LAMA5: variants seen among roughly 807,000 people sequenced by gnomAD.
LAMA5 encodes laminin subunit alpha 5.
In LAMA5, 260 loss-of-function variants were observed where a neutral mutation model predicts 433.4. The ratio of observed to expected loss-of-function variants is 0.60; its 90% CI spans 0.54 to 0.66. The LOEUF is 0.66. Among genes scored for constraint, LAMA5 ranks in the 30% least tolerant of loss-of-function variants. LAMA5 has a pLI of 0.00. For synonymous variants in LAMA5, 2,620 were observed against 2,226.6 expected (o/e 1.18, Z -4.97); for missense variants, 5,378 against 5,258.5 (o/e 1.02, Z -0.70).
rs772271793 is a variant in LAMA5, at chr20:62,309,979, G to T, written c.10828+9C>A. 1.2e-6 allele frequency: 2 copies of T among 1,609,522 alleles called. No individual in the cohort carries two copies. The highest frequency in any genetic ancestry group is 1.7e-6 in the Non-Finnish European group (2 of 1,179,198). ...TGGCAGAGTGCCCTGGCCACAGGAG[G>T]GGCCTCACCCGCTAGCCGGTGCCAC... On this transcript the variant is annotated intron_variant, in intron 78 of 79. Transcript: ENST00000252999.
At chr20:62,357,201 C>T (rs1393403593) in intron 2 of LAMA5, among the ~76,000 whole-genome samples, 11 of 152,190 alleles carry the variant, frequency 7.2e-5, no homozygotes, top group Non-Finnish European at 1.0e-4. Flanking sequence ...GGTCCAGGTG[C>T]CCGCTGTGCT....
At position 62,315,090 on chromosome 20, in the gene LAMA5, C is replaced by A; in HGVS notation, c.7985G>T (p.Gly2662Val). ...AMQENVERWQ[G>V]QYEGLRGQDL... Reference sequence around the variant, plus strand: ...CTGGCCCCGCAGGCCCTCGTACTGGCCCTGCCACCGCTCCACATTCTCCTG... The same window carrying A: ...CTGGCCCCGCAGGCCCTCGTACTGGACCTGCCACCGCTCCACATTCTCCTG... Residue 2662 changes from glycine (G) to valine (V), a missense_variant, in exon 59 of 80, where the codon GGC becomes GTC. By Grantham distance (109) the Gly-to-Val change is moderately radical. Coordinates refer to ENST00000252999, the MANE Select transcript of LAMA5 (RefSeq NM_005560.6). 3 of 1,604,892 alleles carry A rather than the reference C, an allele frequency of 1.9e-6. No individual in the cohort carries two copies. Among genetic ancestry groups the A allele is most frequent in the Non-Finnish European group, 2.5e-6 (3 of 1,179,596 alleles).
rs879061864 is a variant in LAMA5 at position 62,323,535 on chromosome 20, C to T, written c.5985G>A (p.Leu1995=). The T allele has an allele frequency of 6.3e-7, 1 of 1,585,532 alleles. No individual in the cohort carries two copies. The highest frequency in any genetic ancestry group is 1.1e-5 in the South Asian group (1 of 87,252). The change falls in exon 45 of 80, where the codon CTG becomes CTA. Residue 1995 remains leucine, a synonymous_variant. Transcript: ENST00000252999. ...DPLTGACRGC[L]RHTTGPRCEI... Reference sequence around the variant, plus strand: ...CGCAGCGGGGCCCAGTGGTGTGGCGCAGGCAGCCACGGCAGGCGCCCGTCA... The same window carrying T: ...CGCAGCGGGGCCCAGTGGTGTGGCGTAGGCAGCCACGGCAGGCGCCCGTCA...
intron 1 of LAMA5, among the ~76,000 whole-genome samples, chr20:62,366,511 A>G (rs1262026683): frequency 6.6e-6 from 1 of 152,160 alleles, no homozygotes; most frequent in African/African-American, 2.4e-5. Flanking sequence ...TGGGAGCCTC[A>G]GGTGGCTGGC....
intron 53 of LAMA5, 149 bp downstream of exon 53, chr20:62,318,304 GA>G (rs1987247912): frequency 3.3e-6 from 1 of 300,700 alleles, no homozygotes; most frequent in Non-Finnish European, 5.7e-6. Flanking sequence ...AGGAGGGGGG[GA>G]AGAAGAGGAG....
rs1952831187 is a variant in LAMA5 at position 62,311,310 on chromosome 20, G to T, written c.9943-3C>A. The stretch of plus-strand genomic sequence containing the variant: ...GGCTGACGGCTGCGGCGGGAGGCCT[G>T]GGGGCGTGGATGGTGAATGCAGGGG... On this transcript the variant is annotated splice_polypyrimidine_tract_variant and splice_region_variant and intron_variant, in intron 72 of 79. Transcript: ENST00000252999. 6.4e-7 allele frequency: 1 copy of T among 1,565,608 alleles called. No homozygotes were observed. The highest frequency in any genetic ancestry group is 1.2e-5 in the South Asian group (1 of 84,216).
rs781316426 is a variant in LAMA5 at position 62,314,811 on chromosome 20, C to A, written c.8184G>T (p.Gly2728=). 7.4e-6 allele frequency: 12 copies of A among 1,612,916 alleles called. 1 individual carries two copies. The South Asian group carries it at 1.2e-4, about 16-fold the overall frequency. Residue 2728 remains glycine (G), a synonymous_variant, in exon 60 of 80, where the codon GGG becomes GGT. Coordinates refer to ENST00000252999, the MANE Select transcript of LAMA5 (RefSeq NM_005560.6). ...RVRELIAQAR[G]AASKVKVPMK... ...GACTCTCACCCACCTTACTGGCAGC[C>A]CCCCGGGCCTGGGCAATGAGCTCTC...
chr20:62,316,807 C>G (rs567062304), intron 56 of LAMA5, 34 bp from the exon 57 acceptor site: 9 of 1,573,332 alleles, frequency 5.7e-6, no homozygotes, highest in South Asian at 1.1e-5. Context: ...GGCTCAGACA[C>G]GCAGGCCGGG....
rs560094723 is a variant in LAMA5, at chr20:62,337,165, GAC to G, written c.2165-381_2165-380del. On this transcript the variant is annotated intron_variant, in intron 16 of 79. Coordinates refer to ENST00000252999, the MANE Select transcript of LAMA5 (RefSeq NM_005560.6). ...CATGAACACGCACACCCACACTTGAGACACGCGATACGCGCACCCACTTATGC... is the reference window on the plus strand; with the variant it reads ...CATGAACACGCACACCCACACTTGAGACGCGATACGCGCACCCACTTATGC... 7.9e-5 allele frequency among the ~76,000 whole-genome samples: 12 copies of G among 151,998 alleles called. No homozygotes were observed. The East Asian group carries it at 1.9e-3, about 25-fold the overall frequency.
chr20:62,346,441 CCAAG>C, intron 9 of LAMA5, 61 bp downstream of exon 9: 1 of 1,489,810 alleles, frequency 6.7e-7, no homozygotes, highest in South Asian at 1.2e-5. Flanking sequence ...CCCCAAAGGC[CCAAG>C]AACACCTCTT....
In LAMA5 at chr20:62,331,019, T is replaced by C; in HGVS notation, c.3650+13A>G. On this transcript the variant is annotated intron_variant, in intron 29 of 79. Coordinates refer to ENST00000252999, the MANE Select transcript of LAMA5 (RefSeq NM_005560.6). ...TCGGCCGCGCCCCTCCCAGCCCCAT[T>C]ACCTGCCATTACCTGTTGGGGCCAA... 3.2e-6 allele frequency: 5 copies of C among 1,587,156 alleles called. No individual in the cohort carries two copies. The highest frequency in any genetic ancestry group is 2.3e-5 in the East Asian group (1 of 44,372).
chr20:62,336,329 G>A lies in LAMA5; in HGVS notation c.2323+11C>T. On this transcript the variant is annotated intron_variant, in intron 18 of 79. Coordinates refer to ENST00000252999, the MANE Select transcript of LAMA5 (RefSeq NM_005560.6). ...GAACCCCTGTACCCCAATACTCCAG[G>A]GCACACTCACGGGTACAGCCCTCGG... 2 of 1,585,204 alleles carry A rather than the reference G, an allele frequency of 1.3e-6. No individual in the cohort carries two copies. Among genetic ancestry groups the A allele is most frequent in the Non-Finnish European group, 1.7e-6 (2 of 1,160,822 alleles).
chr20:62,329,066 G>C lies in LAMA5; in HGVS notation c.4236-11C>G. ...GATGAGCTGCTGGGGCTACATGGAGGGGCACGTGGTGAGGCCAGCTCCCGG... is the reference window on the plus strand; with the variant it reads ...GATGAGCTGCTGGGGCTACATGGAGCGGCACGTGGTGAGGCCAGCTCCCGG... On this transcript the variant is annotated splice_polypyrimidine_tract_variant and intron_variant, in intron 33 of 79. Transcript: ENST00000252999. The C allele has an allele frequency of 6.2e-7, 1 of 1,612,634 alleles. No individual in the cohort carries two copies.
Position 62,309,426 on chromosome 20 carries a change from C to T in LAMA5, c.10998G>A (p.Arg3666=), listed in dbSNP as rs1453151130. 3.8e-6 allele frequency: 6 copies of T among 1,584,436 alleles called. No homozygotes were observed. Among genetic ancestry groups the T allele is most frequent in the South Asian group, 3.4e-5 (3 of 87,918 alleles). ...PWPPAYCGCM[R]RLAVNRSPVA... ...CGGGGGACCGGTTCACCGCCAGCCT[C>T]CTCATGCAGCCGCAGTAGGCGGGGG... Residue 3666 remains arginine, a synonymous_variant, in exon 80 of 80, where the codon AGG becomes AGA. Transcript: ENST00000252999.
At position 62,321,858 on chromosome 20, in the gene LAMA5, T is replaced by G. The variant is rs1987853362; in HGVS notation, c.6496+161A>C. Among the ~76,000 whole-genome samples the G allele has an allele frequency of 2.0e-5, 3 of 151,658 alleles. No individual in the cohort carries two copies. The South Asian group carries it at 6.3e-4, about 32-fold the overall frequency. On this transcript the variant is annotated intron_variant, in intron 48 of 79. Coordinates refer to ENST00000252999, the MANE Select transcript of LAMA5 (RefSeq NM_005560.6). ...GCAGCCAGCAGTGGAGCTGCAGCGC[T>G]CCTCAGCGTGGTTGGAGTTGGACAG...
At position 62,318,969 on chromosome 20, in the gene LAMA5, C is replaced by T. The variant is rs867820782; in HGVS notation, c.6916G>A (p.Ala2306Thr). The T allele has an allele frequency of 1.3e-6, 2 of 1,594,474 alleles. No individual in the cohort carries two copies. The highest frequency in any genetic ancestry group is 2.2e-5 in the South Asian group (2 of 88,948). ...CGGAGCAGCTGCTCACCTGATGGAG[C>T]CGAGGCATTGGCCAGCCCCAGGTGG... is the stretch of plus-strand genomic sequence containing the variant. The part of the protein sequence containing the change: ...TGHLGLANAS[A>T]PSGEQLLRTL... Residue 2306 changes from alanine to threonine, a missense_variant, in exon 52 of 80, where the codon GCT becomes ACT. Physicochemically the swap from Ala to Thr is moderately conservative, Grantham distance 58. Coordinates refer to ENST00000252999, the MANE Select transcript of LAMA5 (RefSeq NM_005560.6).
intron 21 of LAMA5, 83 bp from the exon 22 acceptor site, chr20:62,334,425 G>C: frequency 6.6e-7 from 1 of 1,514,956 alleles, no homozygotes; most frequent in Non-Finnish European, 8.9e-7. Flanking sequence ...CAGGGAGGGT[G>C]AGGCCTCACG....
intron 40 of LAMA5, 67 bp downstream of exon 40, chr20:62,326,610 C>T: frequency 7.7e-7 from 1 of 1,298,174 alleles, no homozygotes; most frequent in Non-Finnish European, 1.1e-6. Context: ...CACTGGGACC[C>T]CTTCCGGCCT....
Position 62,322,403 on chromosome 20 carries a change from G to A in LAMA5, c.6212C>T (p.Ala2071Val). The change falls in exon 47 of 80, where the codon GCT becomes GTT. Residue 2071 changes from alanine (A) to valine (V), a missense_variant. Physicochemically the swap from Ala to Val is moderately conservative, Grantham distance 64. Transcript: ENST00000252999. ...FDGCGGCRPC[A>V]CGPAAEGSEC... ...GGAGCCCTCGGCGGCCGGTCCACAA[G>A]CACACGGGCGGCAGCCCCCGCAGCC... is the stretch of plus-strand genomic sequence containing the variant. The A allele has an allele frequency of 6.3e-7, 1 of 1,593,554 alleles. No individual in the cohort carries two copies. The highest frequency in any genetic ancestry group is 8.5e-7 in the Non-Finnish European group (1 of 1,171,262).
Sources: allele counts gnomAD v4.1 joint callset (sites outside exome capture counted in the v4.1 genomes callset), GRCh38; gene constraint gnomAD v4.1.1; transcripts MANE v1.5; gene names NCBI Gene and HGNC (gene_info 2026-07-23, HGNC 2026-07-21).